Variants in TNRC6B observed in about 807,000 individuals in gnomAD.
TNRC6B encodes the protein trinucleotide repeat-containing gene 6B protein.
TNRC6B carries 52 observed loss-of-function variants against 203.6 expected under a neutral mutation model. The ratio of observed to expected loss-of-function variants is 0.26; its 90% CI spans 0.20 to 0.32. The LOEUF (loss-of-function observed/expected upper bound fraction) is 0.32. TNRC6B is among the 10% of genes least tolerant of loss of function. TNRC6B has a pLI of 1.00. For missense variants in TNRC6B, 1,923 were observed against 2,286.2 expected, an observed-to-expected ratio of 0.84 and a Z score of 3.24; for synonymous variants, 838 against 845.7, an observed-to-expected ratio of 0.99 and a Z score of 0.16.
At position 40,206,863 on chromosome 22, in the gene TNRC6B, G is replaced by T. The variant is rs1362098597; in HGVS notation, c.5+28723G>T. Among the ~76,000 whole-genome samples the T allele has an allele frequency of 2.0e-5, 3 of 152,124 alleles. No homozygotes were observed. The East Asian group carries it at 5.8e-4, about 29-fold the overall frequency. ...AATGGACTTTTCGACAAGTGCTCTG[G>T]GATACTTCATATGGATTGCGTTAGT... On this transcript the variant is annotated intron_variant, in intron 1 of 22. Transcript: ENST00000454349.
In TNRC6B at chr22:40,270,194, C is replaced by T. The variant is rs1435627000; in HGVS notation, c.2879C>T (p.Pro960Leu). ...SAWGEPNESS[P>L]GWGEMDDTGA... Reference sequence around the variant, plus strand: ...TGGGGTGAGCCAAATGAAAGCAGTCCTGGGTGGGGCGAGATGGATGATACA... The same window carrying T: ...TGGGGTGAGCCAAATGAAAGCAGTCTTGGGTGGGGCGAGATGGATGATACA... Residue 960 changes from proline to leucine, a missense_variant, in exon 6 of 23, where the codon CCT (proline) becomes CTT (leucine). Physicochemically the swap from Pro to Leu is moderately conservative, Grantham distance 98. Around this residue, in one of 8 missense-constraint regions of TNRC6B, gnomAD observed 599 missense variants for 656.5 expected, o/e 0.91. Coordinates refer to ENST00000454349, the MANE Select transcript of TNRC6B (RefSeq NM_001162501.2). 1 of 1,567,782 alleles carries T rather than the reference C, an allele frequency of 6.4e-7. No individual in the cohort carries two copies. The highest frequency in any genetic ancestry group is 1.9e-5 in the Admixed American group (1 of 52,886).
chr22:40,122,959 C>T (rs930330512), intron 2 of TNRC6B, among the ~76,000 whole-genome samples: 13 of 152,158 alleles, frequency 8.5e-5, no homozygotes, highest in African/African-American at 2.7e-4. Context: ...TCTTCAGTGA[C>T]GGCCACAGCT....
intron 1 of TNRC6B, among the ~76,000 whole-genome samples, chr22:40,087,050 T>C (rs1209164444): frequency 6.6e-6 from 1 of 152,188 alleles, no homozygotes; most frequent in Non-Finnish European, 1.5e-5. Context: ...CCTGGTGTTG[T>C]GTTTGGAAAA....
chr22:40,203,358 T>C (rs1018075015), intron 1 of TNRC6B, among the ~76,000 whole-genome samples: 30 of 152,198 alleles, frequency 2.0e-4, no homozygotes, highest in African/African-American at 5.3e-4. Flanking sequence ...CATCATTTCA[T>C]GTCCTGCCAT....
chr22:40,053,771 C>T (rs1428692046), intron 1 of TNRC6B, among the ~76,000 whole-genome samples: 1 of 152,152 alleles, frequency 6.6e-6, no homozygotes, highest in Non-Finnish European at 1.5e-5. Flanking sequence ...TTAGTTTTTT[C>T]TTTTGCAAGT....
At chr22:40,087,769 A>G (rs1415985025) in intron 1 of TNRC6B, among the ~76,000 whole-genome samples, 3 of 152,144 alleles carry the variant, frequency 2.0e-5, no homozygotes, top group African/African-American at 7.2e-5. Context: ...TGGGAATGCT[A>G]GTGAGGCTGG....
At chr22:40,165,537 C>A (rs1236849473) in intron 4 of TNRC6B, among the ~76,000 whole-genome samples, 1 of 152,142 alleles carries the variant, frequency 6.6e-6, no homozygotes, top group African/African-American at 2.4e-5. Context: ...TATCTTCGTT[C>A]TCCTTAAGCA....
At chr22:40,196,066 C>T (rs942214356) in intron 1 of TNRC6B, among the ~76,000 whole-genome samples, 4 of 126,898 alleles carry the variant, frequency 3.2e-5, no homozygotes, top group Admixed American at 7.9e-5. Flanking sequence ...TGTGAGCCAC[C>T]GCGTCCAGCC....
In TNRC6B at chr22:40,266,754, G is replaced by A; in HGVS notation, c.2524G>A (p.Gly842Ser). 1.9e-6 allele frequency: 3 copies of A among 1,613,674 alleles called. No individual in the cohort carries two copies. Among genetic ancestry groups the A allele is most frequent in the Non-Finnish European group, 2.5e-6 (3 of 1,179,744 alleles). ...PQPEASGSWGGPPPPPPGNVR... is the reference protein window; with the variant it reads ...PQPEASGSWGSPPPPPPGNVR... ...ACCAGAGGCTTCTGGTTCGTGGGGA[G>A]GCCCACCCCCACCACCTCCAGGCAA... The change falls in exon 5 of 23, where the codon GGC (glycine) becomes AGC (serine). Residue 842 changes from glycine (G) to serine (S), a missense_variant. Transcript: ENST00000454349.
At chr22:40,081,878 A>G (rs964369528) in intron 1 of TNRC6B, among the ~76,000 whole-genome samples, 3 of 150,974 alleles carry the variant, frequency 2.0e-5, no homozygotes, top group African/African-American at 7.3e-5. Flanking sequence ...GAATAAATTA[A>G]CAACTGTCCT....
At chr22:40,062,235 CTG>C in intron 1 of TNRC6B, among the ~76,000 whole-genome samples, 1 of 152,118 alleles carries the variant, frequency 6.6e-6, no homozygotes, top group Non-Finnish European at 1.5e-5. Flanking sequence ...GAGTCTCACT[CTG>C]TTGCCCAGGC....
At chr22:40,191,932 G>A (rs1258308241) in intron 1 of TNRC6B, among the ~76,000 whole-genome samples, 1 of 152,182 alleles carries the variant, frequency 6.6e-6, no homozygotes, top group Non-Finnish European at 1.5e-5. Flanking sequence ...TGTATTTTTA[G>A]TAGAGACGGG....
At chr22:40,087,749 T>C (rs904385741) in intron 1 of TNRC6B, among the ~76,000 whole-genome samples, 2 of 152,142 alleles carry the variant, frequency 1.3e-5, no homozygotes, top group Non-Finnish European at 2.9e-5. Flanking sequence ...GCTTGAAGCC[T>C]TGGGGGACCT....
At chr22:40,156,091 G>T (rs1360696223) in intron 3 of TNRC6B, 3 of 1,564,458 alleles carry the variant, frequency 1.9e-6, no homozygotes, top group South Asian at 1.2e-5. Flanking sequence ...GACTGCTGCT[G>T]ACCTGTGGTG....
rs755813745 is a variant in TNRC6B at position 40,300,606 on chromosome 22, C to T, written c.3840+20C>T. On this transcript the variant is annotated intron_variant, in intron 13 of 22. Coordinates refer to ENST00000454349, the MANE Select transcript of TNRC6B (RefSeq NM_001162501.2). ...CAGTTGGTAAGTAGAAGATTTTCTT[C>T]CTGTGGCTAAAAAGGTCATTTGCTT... 3 of 1,587,416 alleles carry T rather than the reference C, an allele frequency of 1.9e-6. No homozygotes were observed. The highest frequency in any genetic ancestry group is 2.2e-5 in the East Asian group (1 of 44,798).
chr22:40,079,241 A>G (rs1326741460), intron 1 of TNRC6B, among the ~76,000 whole-genome samples: 2 of 152,112 alleles, frequency 1.3e-5, no homozygotes, highest in African/African-American at 4.8e-5. Context: ...GAAAGCTTTC[A>G]TTAAAGGAAG....
rs143411814 is a variant in TNRC6B at position 40,098,652 on chromosome 22, T to C, written c.-120-18403T>C. ...GGTGGGTTTATCATGCTTTTAGGAA[T>C]GTCTTCCTCAATTCAAGATTATAAA... On this transcript the variant is annotated intron_variant, in intron 1 of 23. Coordinates refer to the TNRC6B transcript ENST00000301923. Among the ~76,000 whole-genome samples the C allele has an allele frequency of 1.3e-3, 205 of 152,248 alleles. 2 individuals are homozygous for C. The highest frequency in any genetic ancestry group is 4.7e-3 in the African/African-American group (195 of 41,564).
chr22:40,049,753 A>G (rs144267451), intron 1 of TNRC6B, among the ~76,000 whole-genome samples: 1 of 152,196 alleles, frequency 6.6e-6, no homozygotes, highest in African/African-American at 2.4e-5. Flanking sequence ...GCAGGCGCAC[A>G]CCACCAAATC....
At chr22:40,302,625 C>G (rs1423159333) in intron 15 of TNRC6B, among the ~76,000 whole-genome samples, 2 of 147,498 alleles carry the variant, frequency 1.4e-5, no homozygotes, top group Admixed American at 1.3e-4. Context: ...AGAGCAAGAC[C>G]CCATCTCAAA....
Sources: allele counts gnomAD v4.1 joint callset (sites outside exome capture counted in the v4.1 genomes callset), GRCh38; gene constraint gnomAD v4.1.1; regional missense constraint gnomAD v4.1.1; transcripts MANE v1.5; gene names NCBI Gene and HGNC (gene_info 2026-07-23, HGNC 2026-07-21).